The following ISM1 variants were observed in gnomAD, a reference collection of about 807,000 sequenced individuals.
ISM1 encodes the protein isthmin-1.
Under a neutral mutation model 46.3 loss-of-function variants are expected in ISM1, and 25 were observed. That is an observed-to-expected ratio of 0.54 (90% confidence interval 0.39 to 0.75). The LOEUF is 0.75. Among genes scored for constraint, ISM1 ranks in the 30% least tolerant of loss-of-function variants. The pLI, the probability that ISM1 is intolerant of heterozygous loss-of-function variation, is 0.00. For missense variants in ISM1, 536 were observed against 625.4 expected (o/e 0.86, Z 1.52); for synonymous variants, 255 against 256.7 (o/e 0.99, Z 0.06).
intron 1 of ISM1, among the ~76,000 whole-genome samples, chr20:13,257,231 T>G (rs1312135869): frequency 6.6e-6 from 1 of 152,102 alleles, no homozygotes; most frequent in African/African-American, 2.4e-5. Context: ...TAAGAGAGTA[T>G]CGGCCAGGCT....
At chr20:13,243,004 G>A (rs2039746863) in intron 1 of ISM1, among the ~76,000 whole-genome samples, 2 of 152,156 alleles carry the variant, frequency 1.3e-5, no homozygotes, top group Admixed American at 1.3e-4. Flanking sequence ...TACACAATAA[G>A]GTTAAGTACC....
intron 3 of ISM1, among the ~76,000 whole-genome samples, chr20:13,281,557 A>C (rs2040238391): frequency 6.6e-6 from 1 of 152,196 alleles, no homozygotes; most frequent in Admixed American, 6.5e-5. Context: ...TAAGCAATTT[A>C]ACCTGGAGGG....
chr20:13,279,287 C>T (rs186612179), intron 2 of ISM1, among the ~76,000 whole-genome samples: 1 of 152,224 alleles, frequency 6.6e-6, no homozygotes, highest in East Asian at 1.9e-4. Flanking sequence ...TTCTCAATAC[C>T]ACATGGAGGA....
At chr20:13,230,746 GA>G (rs201769447) in intron 1 of ISM1, among the ~76,000 whole-genome samples, 2 of 125,266 alleles carry the variant, frequency 1.6e-5, no homozygotes, top group African/African-American at 3.2e-5. Flanking sequence ...ATGTGTTGTA[GA>G]AAAAAAAAGA....
chr20:13,316,497 C>G, the ISM1 span, among the ~76,000 whole-genome samples: 2 of 151,846 alleles, frequency 1.3e-5, no homozygotes, highest in African/African-American at 2.4e-5. Flanking sequence ...AAAAAAAGTA[C>G]TGACCAACAT....
intron 1 of ISM1, among the ~76,000 whole-genome samples, chr20:13,235,984 A>G (rs1819170): frequency 0.26 from 39,766 of 150,558 alleles, 5,487 homozygotes; most frequent in African/African-American, 0.35. Context: ...GAGTGCAGTG[A>G]TGCAATCTTG....
At chr20:13,287,689 G>A (rs6109797) in intron 3 of ISM1, among the ~76,000 whole-genome samples, 90,187 of 152,042 alleles carry the variant, frequency 0.59, 27,847 homozygotes, top group African/African-American at 0.78. Flanking sequence ...TGTATCTCAT[G>A]TACCAAGAAT....
chr20:13,323,798 G>T, the ISM1 span, among the ~76,000 whole-genome samples: 17,920 of 152,150 alleles, frequency 0.12, 1,519 homozygotes, highest in Non-Finnish European at 0.18. Flanking sequence ...TGAAATGAAG[G>T]CTTCTTTATG....
At chr20:13,309,930 G>A in the ISM1 span, among the ~76,000 whole-genome samples, 1 of 151,988 alleles carries the variant, frequency 6.6e-6, no homozygotes, top group Non-Finnish European at 1.5e-5. Flanking sequence ...ATCAATGAAA[G>A]AAACTGAATA....
At chr20:13,256,074 C>T (rs2039925889) in intron 1 of ISM1, among the ~76,000 whole-genome samples, 1 of 152,006 alleles carries the variant, frequency 6.6e-6, no homozygotes, top group Non-Finnish European at 1.5e-5. Context: ...GTGTCCTGGG[C>T]CCTGGCTTGT....
At chr20:13,286,490 C>T (rs1374208962) in intron 3 of ISM1, among the ~76,000 whole-genome samples, 1 of 152,170 alleles carries the variant, frequency 6.6e-6, no homozygotes, top group Non-Finnish European at 1.5e-5. Flanking sequence ...CAAGCATCTG[C>T]TTAGCTGAGT....
rs1018517851 is a variant in ISM1 at position 13,221,934 on chromosome 20, G to C, written c.138+20G>C. The C allele has an allele frequency of 3.0e-6, 4 of 1,320,618 alleles. No individual in the cohort carries two copies. The highest frequency in any genetic ancestry group is 3.1e-5 in the African/African-American group (2 of 64,712). The allele number at this position is 1,320,618 out of a possible 1,614,324, so 81.8% of individuals were successfully genotyped here. A position where few individuals can be genotyped will look rare whatever the true frequency, so the allele number is the denominator to read the frequency against. On this transcript the variant is annotated intron_variant, in intron 1 of 5. Coordinates refer to ENST00000262487, the MANE Select transcript of ISM1 (RefSeq NM_080826.2). The stretch of plus-strand genomic sequence containing the variant: ...CTGCAGGTGAGTGCGCCGCCGGAGA[G>C]GGCCGTGCGCGGCTGCGGGGACGGT...
downstream of ISM1, among the ~76,000 whole-genome samples, chr20:13,302,313 C>G (rs949417315): frequency 2.0e-5 from 3 of 152,136 alleles, no homozygotes; most frequent in Non-Finnish European, 4.4e-5. Flanking sequence ...CTGAGAACAC[C>G]CTGGTCTCCC....
intron 3 of ISM1, among the ~76,000 whole-genome samples, chr20:13,280,758 C>T (rs2040230730): frequency 6.6e-6 from 1 of 152,176 alleles, no homozygotes; most frequent in Non-Finnish European, 1.5e-5. Context: ...GGTCACATGG[C>T]CCCACCTTGG....
intron 5 of ISM1, among the ~76,000 whole-genome samples, chr20:13,296,591 G>A (rs1343469666): frequency 6.6e-6 from 1 of 152,190 alleles, no homozygotes; most frequent in African/African-American, 2.4e-5. Context: ...TAGTAGATTG[G>A]AGAATGCTCT....
intron 1 of ISM1, among the ~76,000 whole-genome samples, chr20:13,246,718 C>T (rs1021334975): frequency 1.3e-5 from 2 of 152,202 alleles, no homozygotes; most frequent in African/African-American, 4.8e-5. Flanking sequence ...TTGTCCAATC[C>T]CCCAGTGCCC....
chr20:13,281,195 A>C (rs892985935), intron 3 of ISM1, among the ~76,000 whole-genome samples: 8 of 152,332 alleles, frequency 5.3e-5, no homozygotes, highest in African/African-American at 1.7e-4. Flanking sequence ...TGAGCAAGGC[A>C]TAGTCTGTCC....
At chr20:13,313,119 G>A in the ISM1 span, among the ~76,000 whole-genome samples, 3 of 152,020 alleles carry the variant, frequency 2.0e-5, no homozygotes, top group African/African-American at 4.8e-5. Flanking sequence ...AATGACTCCC[G>A]CATCCAGGTC....
the ISM1 span, among the ~76,000 whole-genome samples, chr20:13,325,607 C>A: frequency 6.6e-6 from 1 of 152,306 alleles, no homozygotes; most frequent in East Asian, 1.9e-4. Flanking sequence ...ACCCTGTGTT[C>A]CCTTCGGAAG....
Sources: gnomAD v4.1 joint callset for allele counts (sites outside exome capture counted in the v4.1 genomes callset) on GRCh38, gnomAD v4.1.1 for gene constraint, MANE v1.5 for transcripts, NCBI Gene and HGNC (gene_info 2026-07-23, HGNC 2026-07-21) for gene names.